Variants in WSCD1 observed in about 807,000 individuals in gnomAD.
WSCD1 encodes the protein sialate:O-sulfotransferase 1.
In WSCD1, 41 loss-of-function variants were observed where a neutral mutation model predicts 60.4. The observed-to-expected ratio is 0.68, with a 90% CI of 0.53 to 0.88. The LOEUF (loss-of-function observed/expected upper bound fraction) is 0.88, where lower values mean the gene tolerates loss of function less well. Ranked by LOEUF, WSCD1 falls within the 40% of genes least tolerant of loss-of-function variation. The pLI is 0.00. For synonymous variants in WSCD1, 361 were observed against 332.5 expected, an observed-to-expected ratio of 1.09 and a Z score of -0.93; for missense variants, 784 against 796.2, an observed-to-expected ratio of 0.98 and a Z score of 0.18.
Position 6,086,250 on chromosome 17 carries a change from CATAT to C in WSCD1, c.428-1718_428-1715del, listed in dbSNP as rs61690560. Among the ~76,000 whole-genome samples the C allele has an allele frequency of 3.5e-4, 34 of 98,228 alleles. 2 individuals are homozygous for C. The highest frequency in any genetic ancestry group is 6.0e-4 in the East Asian group (2 of 3,346). The allele number at this position is 98,228 out of a possible 152,430, so 64.4% of individuals were successfully genotyped here. A position where few individuals can be genotyped will look rare whatever the true frequency, so the allele number is the denominator to read the frequency against. On this transcript the variant is annotated intron_variant, in intron 2 of 8. Coordinates refer to ENST00000317744, the MANE Select transcript of WSCD1 (RefSeq NM_015253.2). ...GCAGTCAGTAAGACCGTCCTGACTT[CATAT>C]ATATATATATATATATATATACTTA...
At chr17:6,109,535 C>T in intron 5 of WSCD1, 72 bp from the exon 6 acceptor site, 2 of 1,563,658 alleles carry the variant, frequency 1.3e-6, no homozygotes, top group Non-Finnish European at 1.7e-6. Context: ...ATGTTCATCC[C>T]ATTCCTGAGC....
At chr17:6,117,799 C>A (rs924087027) in intron 7 of WSCD1, among the ~76,000 whole-genome samples, 189 bp from the exon 8 acceptor site, 2 of 152,158 alleles carry the variant, frequency 1.3e-5, no homozygotes, top group Non-Finnish European at 2.9e-5. Context: ...CTGTCACTTT[C>A]CCTTGGACAG....
In WSCD1 at chr17:6,110,647, G is replaced by C; in HGVS notation, c.1010-124G>C. 7.8e-7 allele frequency: 1 copy of C among 1,285,410 alleles called. No homozygotes were observed. Among genetic ancestry groups the C allele is most frequent in the Non-Finnish European group, 1.1e-6 (1 of 927,464 alleles). The allele number at this position is 1,285,410 out of a possible 1,614,324, so 79.6% of individuals were successfully genotyped here. A position where few individuals can be genotyped will look rare whatever the true frequency, so the allele number is the denominator to read the frequency against. Reference sequence around the variant, plus strand: ...TTTGGAAGATCTCTTCCCTTCTTTGGGCCTTGGTTCCCCCATCTATTAAAT... The same window carrying C: ...TTTGGAAGATCTCTTCCCTTCTTTGCGCCTTGGTTCCCCCATCTATTAAAT... On this transcript the variant is annotated intron_variant, in intron 6 of 8. Transcript: ENST00000317744. The surrounding 1 kb of genome is among the most constrained non-coding windows in gnomAD (Gnocchi z 4.8).
At chr17:6,115,236 T>A (rs965664146) in intron 7 of WSCD1, among the ~76,000 whole-genome samples, 1 of 152,208 alleles carries the variant, frequency 6.6e-6, no homozygotes, top group Admixed American at 6.5e-5. Context: ...AGAGAAAGAC[T>A]AGCAGCTTGA....
chr17:6,090,419 G>T lies in WSCD1; in HGVS notation c.641G>T (p.Cys214Phe). The T allele has an allele frequency of 6.2e-7, 1 of 1,612,924 alleles. No homozygotes were observed. Among genetic ancestry groups the T allele is most frequent in the Non-Finnish European group, 8.5e-7 (1 of 1,179,568 alleles). ...SVGLEECNHE[C>F]KGEKGSVCGA... ...GGGCTGGAAGAGTGTAACCATGAGT[G>T]CAAAGGCGAGAAGGGCTCTGTGTGC... Residue 214 changes from cysteine to phenylalanine, a missense_variant, in exon 4 of 9, where the codon TGC becomes TTC. Transcript: ENST00000317744.
At position 6,086,332 on chromosome 17, in the gene WSCD1, T is replaced by G. The variant is rs541312489; in HGVS notation, c.428-1658T>G. Among the ~76,000 whole-genome samples the G allele has an allele frequency of 4.1e-5, 6 of 147,882 alleles. No individual in the cohort carries two copies. The East Asian group carries it at 1.2e-3, about 30-fold the overall frequency. Reference sequence around the variant, plus strand: ...CATGGATAATAAATAGTACTATAATTGTTCATTCATATATATATATTCAGA... The same window carrying G: ...CATGGATAATAAATAGTACTATAATGGTTCATTCATATATATATATTCAGA... On this transcript the variant is annotated intron_variant, in intron 2 of 8. Transcript: ENST00000317744.
At chr17:6,102,226 T>TAATATGGAACC (rs1190812873) in intron 5 of WSCD1, among the ~76,000 whole-genome samples, 16 of 152,376 alleles carry the variant, frequency 1.1e-4, no homozygotes, top group African/African-American at 3.6e-4. Context: ...AAGCATGCAT[T>TAATATGGAACC]AATATGGAAC....
At chr17:6,081,574 G>A (rs1909275975) in intron 2 of WSCD1, among the ~76,000 whole-genome samples, 1 of 151,960 alleles carries the variant, frequency 6.6e-6, no homozygotes, top group Non-Finnish European at 1.5e-5. Context: ...AGCCGGGTGT[G>A]GTGGCGCATA....
rs958187412 is a variant in WSCD1 at position 6,110,006 on chromosome 17, T to C, written c.1009+240T>C. Among the ~76,000 whole-genome samples, 1 of 152,126 alleles carries C rather than the reference T, an allele frequency of 6.6e-6. No homozygotes were observed. Among genetic ancestry groups the C allele is most frequent in the African/African-American group, 2.4e-5 (1 of 41,410 alleles). On this transcript the variant is annotated intron_variant, in intron 6 of 8. Transcript: ENST00000317744. The surrounding 1 kb of genome is among the most constrained non-coding windows in gnomAD (Gnocchi z 4.8). The stretch of plus-strand genomic sequence containing the variant: ...ACACTGGACCCTTTATCTAAGTCTC[T>C]CTGGAGATGACAATGGTAAGAGGAT...
At chr17:6,107,131 T>C (rs1911130458) in intron 5 of WSCD1, among the ~76,000 whole-genome samples, 1 of 152,234 alleles carries the variant, frequency 6.6e-6, no homozygotes, top group East Asian at 1.9e-4. Flanking sequence ...CCTTGTGTGC[T>C]TGTCCCTTGG....
chr17:6,091,082 C>G (rs372535282), intron 4 of WSCD1, among the ~76,000 whole-genome samples: 7 of 152,036 alleles, frequency 4.6e-5, no homozygotes, highest in Non-Finnish European at 7.4e-5. Context: ...TTAGTAGAGA[C>G]GGGGTTTCAC....
intron 5 of WSCD1, among the ~76,000 whole-genome samples, chr17:6,099,938 C>T (rs1344124376): frequency 1.3e-5 from 2 of 152,120 alleles, no homozygotes; most frequent in Non-Finnish European, 2.9e-5. Context: ...CATGTCTAAA[C>T]CGGCACGAGA....
At chr17:6,109,309 G>A (rs1775973912) in intron 5 of WSCD1, among the ~76,000 whole-genome samples, 1 of 152,106 alleles carries the variant, frequency 6.6e-6, no homozygotes, top group South Asian at 2.1e-4. Flanking sequence ...TCTGCACGTC[G>A]CTCATCCCTC....
rs947284365 is a variant in WSCD1 at position 6,110,126 on chromosome 17, A to C, written c.1009+360A>C. Among the ~76,000 whole-genome samples the C allele has an allele frequency of 2.6e-5, 4 of 152,128 alleles. No homozygotes were observed. The highest frequency in any genetic ancestry group is 4.4e-5 in the Non-Finnish European group (3 of 68,024). Reference sequence around the variant, plus strand: ...TGAGATCCCAGGAGCTGCAGGGGCCACTGGTGCCTCCAGGACCTGGGAACC... The same window carrying C: ...TGAGATCCCAGGAGCTGCAGGGGCCCCTGGTGCCTCCAGGACCTGGGAACC... On this transcript the variant is annotated intron_variant, in intron 6 of 8. Transcript: ENST00000317744. The surrounding 1 kb of genome is among the most constrained non-coding windows in gnomAD (Gnocchi z 4.8).
chr17:6,087,078 C>T (rs951652963), intron 2 of WSCD1, among the ~76,000 whole-genome samples: 3 of 152,172 alleles, frequency 2.0e-5, no homozygotes, highest in East Asian at 1.9e-4. Flanking sequence ...TGTGGGTGTG[C>T]GTTCACGGCT....
intron 1 of WSCD1, among the ~76,000 whole-genome samples, chr17:6,074,733 G>T (rs1005376241): frequency 2.0e-5 from 3 of 152,356 alleles, no homozygotes; most frequent in Non-Finnish European, 4.4e-5. Flanking sequence ...TGGTGGAAGG[G>T]CATGCGTGAG....
At chr17:6,097,627 A>G (rs1019806623) in intron 5 of WSCD1, among the ~76,000 whole-genome samples, 1 of 152,228 alleles carries the variant, frequency 6.6e-6, no homozygotes, top group East Asian at 1.9e-4. Context: ...GCCTATTTCC[A>G]GCCTTCACAA....
intron 5 of WSCD1, among the ~76,000 whole-genome samples, chr17:6,098,445 C>T (rs1597362861): frequency 6.6e-6 from 1 of 152,334 alleles, no homozygotes; most frequent in East Asian, 1.9e-4. Flanking sequence ...TGTGCTATCA[C>T]ACATTAGCAC....
chr17:6,111,047 C>T (rs1475918856), intron 7 of WSCD1, 112 bp downstream of exon 7: 1 of 1,351,090 alleles, frequency 7.4e-7, no homozygotes, highest in Non-Finnish European at 9.8e-7. Flanking sequence ...CTTGAGTGTA[C>T]ATAAGAGTCA....
Sources: gnomAD v4.1 joint callset for allele counts (sites outside exome capture counted in the v4.1 genomes callset) on GRCh38, gnomAD v4.1.1 for gene constraint, Gnocchi (gnomAD v3.1) non-coding constraint, MANE v1.5 for transcripts, NCBI Gene and HGNC (gene_info 2026-07-23, HGNC 2026-07-21) for gene names.